Variants in RNF8 observed in about 807,000 individuals in gnomAD.
RNF8 encodes E3 ubiquitin-protein ligase RNF8.
RNF8 carries 8 observed loss-of-function variants against 59.3 expected under a neutral mutation model. The observed-to-expected ratio is 0.13, with a 90% confidence interval of 0.08 to 0.24. RNF8 has a LOEUF of 0.24. RNF8 is among the 10% of genes least tolerant of loss of function. The probability of loss-of-function intolerance (pLI) is 1.00; values close to 1 mark genes in which losing one functional copy is unlikely to be tolerated. For missense variants in RNF8, 406 were observed against 572.6 expected (o/e 0.71, Z 2.97); for synonymous variants, 162 against 200.0 (o/e 0.81, Z 1.60).
chr6:37,390,400 G>A (rs1222391317), intron 7 of RNF8, among the ~76,000 whole-genome samples: 1 of 152,184 alleles, frequency 6.6e-6, no homozygotes, highest in Non-Finnish European at 1.5e-5. Context: ...TAGGGAAAGA[G>A]GGAATGGTAA....
chr6:37,390,544 GGACTTT>G (rs1770687189), intron 7 of RNF8, among the ~76,000 whole-genome samples, 192 bp from the exon 8 acceptor site: 2 of 152,152 alleles, frequency 1.3e-5, no homozygotes, highest in Non-Finnish European at 2.9e-5. Flanking sequence ...GCCTTTGAAA[GGACTTT>G]GACTTTAACT....
At chr6:37,377,928 T>C (rs195379) in intron 6 of RNF8, among the ~76,000 whole-genome samples, 20,477 of 152,200 alleles carry the variant, frequency 0.13, 4,104 homozygotes, top group African/African-American at 0.44. Flanking sequence ...CAAATTCTGC[T>C]GTTTGTGACC....
chr6:37,392,086 T>TGCCCATGA lies in RNF8; in HGVS notation c.*1329_*1336dup, dbSNP rs1770741286. On this transcript the variant is annotated 3_prime_UTR_variant, in exon 8 of 8. Coordinates refer to ENST00000373479, the MANE Select transcript of RNF8 (RefSeq NM_003958.4). ...TCCTTAGTCTTCATTTCCATTCTTC[T>TGCCCATGA]GCCCATGATTACTGATCAAAATACT... The TGCCCATGA allele has an allele frequency of 5.8e-6, 1 of 172,684 alleles. No homozygotes were observed. The highest frequency in any genetic ancestry group is 2.4e-5 in the African/African-American group (1 of 42,392). The allele number at this position is 172,684 out of a possible 1,614,324, so 10.7% of individuals were successfully genotyped here.
chr6:37,385,563 G>A (rs1770460786), intron 7 of RNF8, among the ~76,000 whole-genome samples: 3 of 151,948 alleles, frequency 2.0e-5, no homozygotes, highest in Admixed American at 6.5e-5. Context: ...GGAGGCTGAG[G>A]TTGCAGTGAG....
At chr6:37,383,164 T>TGGGGG (rs1770349974) in intron 7 of RNF8, among the ~76,000 whole-genome samples, 2 of 152,218 alleles carry the variant, frequency 1.3e-5, no homozygotes, top group East Asian at 3.8e-4. Flanking sequence ...GCTTCCCTGT[T>TGGGGG]ACATGCATTG....
intron 7 of RNF8, among the ~76,000 whole-genome samples, chr6:37,386,683 G>T (rs1301398083): frequency 6.6e-6 from 1 of 152,184 alleles, no homozygotes; most frequent in Non-Finnish European, 1.5e-5. Context: ...ATCAGTGGTT[G>T]CTGGCCATGG....
intron 6 of RNF8, among the ~76,000 whole-genome samples, chr6:37,377,700 A>G (rs755062402): frequency 2.0e-5 from 3 of 152,238 alleles, no homozygotes; most frequent in Non-Finnish European, 4.4e-5. Context: ...GCTCAATAAA[A>G]GCTATTCTTT....
At chr6:37,362,560 A>G (rs1205314861) in intron 2 of RNF8, among the ~76,000 whole-genome samples, 1 of 152,180 alleles carries the variant, frequency 6.6e-6, no homozygotes, top group Non-Finnish European at 1.5e-5. Context: ...TGATGGAACA[A>G]TTCTTACAAG....
chr6:37,380,215 A>C (rs971027661), intron 6 of RNF8, among the ~76,000 whole-genome samples: 1 of 152,178 alleles, frequency 6.6e-6, no homozygotes, highest in Non-Finnish European at 1.5e-5. Context: ...CACGCACTTA[A>C]TAGTCCTACT....
At position 37,369,123 on chromosome 6, in the gene RNF8, G is replaced by T; in HGVS notation, c.880G>T (p.Asp294Tyr). Residue 294 changes from aspartate to tyrosine, a missense_variant, in exon 3 of 8, where the codon GAC (aspartate) becomes TAC (tyrosine). Asp to Tyr is a radical substitution (Grantham distance 160, BLOSUM62 -3). This residue lies in a region of RNF8 where 285 missense variants were observed against 342.0 expected (regional missense o/e 0.83). Transcript: ENST00000373479. ...TGTGCAAATGGAGCAGGAACTTCAG[G>T]ACTTACAGTCCCAGCTGTGTGCAGA... ...KVVQMEQELQDLQSQLCAEQA... is the reference protein window; with the variant it reads ...KVVQMEQELQYLQSQLCAEQA... 1 of 1,614,212 alleles carries T rather than the reference G, an allele frequency of 6.2e-7. No individual in the cohort carries two copies. The highest frequency in any genetic ancestry group is 8.5e-7 in the Non-Finnish European group (1 of 1,180,046).
chr6:37,386,980 A>G (rs748099303), intron 7 of RNF8, among the ~76,000 whole-genome samples: 2 of 152,172 alleles, frequency 1.3e-5, no homozygotes, highest in Admixed American at 1.3e-4. Context: ...ACTTCCAGGA[A>G]TGTCTATTGT....
intron 4 of RNF8, among the ~76,000 whole-genome samples, chr6:37,372,904 G>A (rs1485299816): frequency 6.6e-6 from 1 of 152,180 alleles, no homozygotes; most frequent in Admixed American, 6.5e-5. Context: ...GGGATGTGGA[G>A]GTTGTAGTGA....
chr6:37,390,171 G>T (rs1376080458), intron 7 of RNF8, among the ~76,000 whole-genome samples: 2 of 152,202 alleles, frequency 1.3e-5, no homozygotes, highest in Admixed American at 6.5e-5. Context: ...CAGATATATT[G>T]AGGGCCAGAT....
chr6:37,375,776 A>G (rs1009489157), intron 5 of RNF8, among the ~76,000 whole-genome samples: 5 of 152,250 alleles, frequency 3.3e-5, no homozygotes, highest in African/African-American at 1.2e-4. Flanking sequence ...ACAATTAAAA[A>G]TGAGCCAGCC....
At position 37,360,602 on chromosome 6, in the gene RNF8, CTT is replaced by C; in HGVS notation, c.240+31_240+32del. The C allele has an allele frequency of 2.6e-6, 4 of 1,552,768 alleles. No homozygotes were observed. Among genetic ancestry groups the C allele is most frequent in the Non-Finnish European group, 3.5e-6 (4 of 1,148,626 alleles). ...ACAGGAATTCACAGAAGCCTAATGA[CTT>C]TTATTTGTTTTTAAATTACTTTTTT... On this transcript the variant is annotated intron_variant, in intron 2 of 7. Transcript: ENST00000373479. This position sits in a 1 kb window ranked among gnomAD's most constrained non-coding sequence, Gnocchi z 4.2.
chr6:37,354,415 G>A, intron 1 of RNF8, 140 bp downstream of exon 1: 1 of 695,612 alleles, frequency 1.4e-6, no homozygotes, highest in African/African-American at 1.8e-5. Flanking sequence ...AGTGTCTGTG[G>A]GGGGGGTGGA....
intron 7 of RNF8, among the ~76,000 whole-genome samples, chr6:37,382,888 G>A (rs1216930530): frequency 6.6e-6 from 1 of 151,194 alleles, no homozygotes; most frequent in Non-Finnish European, 1.5e-5. Flanking sequence ...TGAGGCAAGA[G>A]AATCGTTTGA....
chr6:37,369,110 G>T lies in RNF8; in HGVS notation c.867G>T (p.Glu289Asp). The change falls in exon 3 of 8, where the codon GAG becomes GAT. Residue 289 changes from glutamate to aspartate, a missense_variant. Around this residue, in one of 3 missense-constraint regions of RNF8, gnomAD observed 285 missense variants for 342.0 expected, o/e 0.83. Coordinates refer to ENST00000373479, the MANE Select transcript of RNF8 (RefSeq NM_003958.4). ...KGNSKKVVQMEQELQDLQSQL... is the reference protein window; with the variant it reads ...KGNSKKVVQMDQELQDLQSQL... ...ACTCAAAGAAAGTTGTGCAAATGGA[G>T]CAGGAACTTCAGGACTTACAGTCCC... 3 of 1,614,234 alleles carry T rather than the reference G, an allele frequency of 1.9e-6. No individual in the cohort carries two copies. The highest frequency in any genetic ancestry group is 2.5e-6 in the Non-Finnish European group (3 of 1,180,042).
intron 7 of RNF8, among the ~76,000 whole-genome samples, chr6:37,388,950 A>T (rs892125496): frequency 6.6e-6 from 1 of 151,554 alleles, no homozygotes; most frequent in Non-Finnish European, 1.5e-5. Context: ...AAAAAAAAAG[A>T]CATTACATGG....
Sources: allele counts gnomAD v4.1 joint callset (sites outside exome capture counted in the v4.1 genomes callset), GRCh38; gene constraint gnomAD v4.1.1; regional missense constraint gnomAD v4.1.1; non-coding constraint Gnocchi (gnomAD v3.1); transcripts MANE v1.5; gene names NCBI Gene and HGNC (gene_info 2026-07-23, HGNC 2026-07-21).